KLRG1: variants seen among roughly 807,000 people sequenced by gnomAD.
KLRG1 encodes the protein killer cell lectin like receptor G1.
In KLRG1, 16 loss-of-function variants were observed where a neutral mutation model predicts 21.8. That is an observed-to-expected ratio of 0.73 (90% CI 0.50 to 1.11). KLRG1 has a LOEUF of 1.11. Ranked by LOEUF, KLRG1 falls within the 50% of genes most tolerant of loss-of-function variation. The probability of loss-of-function intolerance (pLI) is 0.00; values close to 1 mark genes in which losing one functional copy is unlikely to be tolerated. For synonymous variants in KLRG1, 69 were observed against 75.9 expected (o/e 0.91, Z 0.47); for missense variants, 173 against 218.3 (o/e 0.79, Z 1.31).
chr12:9,197,887 A>G, the KLRG1 span, among the ~76,000 whole-genome samples: 2 of 124,292 alleles, frequency 1.6e-5, no homozygotes, highest in Non-Finnish European at 3.2e-5. Context: ...AAATATTAAT[A>G]ATATATAAAT....
intron 1 of KLRG1, among the ~76,000 whole-genome samples, chr12:8,961,727 A>G (rs1004589924): frequency 1.3e-5 from 2 of 152,068 alleles, no homozygotes; most frequent in Non-Finnish European, 2.9e-5. Flanking sequence ...AGCGATTTTT[A>G]AAAGAACACA....
chr12:9,001,749 T>C (rs1947314896), intron 3 of KLRG1, among the ~76,000 whole-genome samples: 1 of 152,196 alleles, frequency 6.6e-6, no homozygotes, highest in Admixed American at 6.5e-5. Context: ...TCATGATGAT[T>C]TGGGGTCCTC....
the KLRG1 span, among the ~76,000 whole-genome samples, chr12:9,055,109 G>A: frequency 6.6e-6 from 1 of 152,042 alleles, no homozygotes; most frequent in African/African-American, 2.4e-5. Context: ...TCATACAAAT[G>A]GTCAGTGGCA....
rs1221020127 is a variant in KLRG1, at chr12:9,009,785, T to C, written c.*248T>C. The C allele has an allele frequency of 1.4e-6, 2 of 1,414,806 alleles. No homozygotes were observed. The highest frequency in any genetic ancestry group is 1.8e-6 in the Non-Finnish European group (2 of 1,090,760). The allele number at this position is 1,414,806 out of a possible 1,614,324, so 87.6% of individuals were successfully genotyped here. ...AAGCAAATTTTGAAATAGATGTTTGTTTTTTGTATTTCTCAGTATGGAAAC... is the reference window on the plus strand; with the variant it reads ...AAGCAAATTTTGAAATAGATGTTTGCTTTTTGTATTTCTCAGTATGGAAAC... On this transcript the variant is annotated 3_prime_UTR_variant, in exon 5 of 5. Transcript: ENST00000356986.
chr12:9,059,480 G>A, the KLRG1 span, among the ~76,000 whole-genome samples: 2 of 151,974 alleles, frequency 1.3e-5, no homozygotes, highest in Admixed American at 1.3e-4. Context: ...CAAACACCTA[G>A]CACCTATTTA....
At chr12:9,101,537 T>C in the KLRG1 span, 2 of 1,613,792 alleles carry the variant, frequency 1.2e-6, no homozygotes, top group African/African-American at 1.3e-5. Context: ...GGCCACAGGG[T>C]AGTTCATGAG....
the KLRG1 span, among the ~76,000 whole-genome samples, chr12:9,179,714 G>A: frequency 6.6e-6 from 1 of 152,174 alleles, no homozygotes; most frequent in African/African-American, 2.4e-5. Flanking sequence ...TATTTAGACA[G>A]GATCCAAACT....
In KLRG1 at chr12:8,995,311, T is replaced by C. The variant is rs982601115; in HGVS notation, c.357+23T>C. 1.9e-5 allele frequency: 30 copies of C among 1,587,830 alleles called. No individual in the cohort carries two copies. The Admixed American group carries it at 3.9e-4, about 21-fold the overall frequency. Reference sequence around the variant, plus strand: ...ATGGTAAATGCAAACATTTAGAAAATGTAGGGTTTTTGTTTTGTTTTTGTT... The same window carrying C: ...ATGGTAAATGCAAACATTTAGAAAACGTAGGGTTTTTGTTTTGTTTTTGTT... On this transcript the variant is annotated intron_variant, in intron 3 of 4. Coordinates refer to ENST00000356986, the MANE Select transcript of KLRG1 (RefSeq NM_005810.4).
chr12:9,129,533 A>G, the KLRG1 span, among the ~76,000 whole-genome samples: 1 of 152,108 alleles, frequency 6.6e-6, no homozygotes, highest in Non-Finnish European at 1.5e-5. Context: ...ATATAATAAT[A>G]TATATGAAGA....
chr12:9,112,633 A>G, the KLRG1 span: 3 of 1,306,760 alleles, frequency 2.3e-6, no homozygotes, highest in Non-Finnish European at 3.2e-6. Flanking sequence ...TGCCCTTCTT[A>G]CTTAACTTCA....
chr12:9,017,165 G>A, the KLRG1 span, among the ~76,000 whole-genome samples: 1 of 147,042 alleles, frequency 6.8e-6, no homozygotes, highest in East Asian at 2.1e-4. Context: ...TCGGGAAGCT[G>A]AGACAGGAGA....
At chr12:9,168,689 A>T in the KLRG1 span, 2 of 513,086 alleles carry the variant, frequency 3.9e-6, no homozygotes, top group East Asian at 6.1e-5. Context: ...TCTAAAAAAA[A>T]ATCTCTGATC....
the KLRG1 span, among the ~76,000 whole-genome samples, chr12:9,032,145 T>C: frequency 3.9e-5 from 6 of 152,248 alleles, no homozygotes; most frequent in Non-Finnish European, 7.3e-5. Context: ...AATTGATTTT[T>C]TTGAGGGTGC....
the KLRG1 span, chr12:9,157,169 T>C: frequency 6.2e-7 from 1 of 1,611,910 alleles, no homozygotes; most frequent in Admixed American, 1.7e-5. Flanking sequence ...TTATAAGTGC[T>C]CTCACCTTCT....
intron 1 of KLRG1, among the ~76,000 whole-genome samples, chr12:8,981,179 T>C (rs1210844430): frequency 2.0e-5 from 3 of 152,240 alleles, no homozygotes; most frequent in Non-Finnish European, 4.4e-5. Flanking sequence ...TGCTCAATCT[T>C]ATTAGAAGTT....
chr12:8,996,740 T>C (rs1166532254), intron 3 of KLRG1, among the ~76,000 whole-genome samples: 1 of 152,206 alleles, frequency 6.6e-6, no homozygotes, highest in Non-Finnish European at 1.5e-5. Flanking sequence ...TTGTATTAAT[T>C]AAACATGAGT....
intron 1 of KLRG1, among the ~76,000 whole-genome samples, chr12:8,962,717 C>CAAAAAAA (rs34171622): frequency 8.8e-6 from 1 of 113,068 alleles, no homozygotes. Flanking sequence ...CCCTGTTTCC[C>CAAAAAAA]AAAAAAAAAA....
At chr12:8,972,673 T>C (rs1019485137) in intron 1 of KLRG1, among the ~76,000 whole-genome samples, 95 of 152,320 alleles carry the variant, frequency 6.2e-4, no homozygotes, top group African/African-American at 2.2e-3. Context: ...GGTTTATATG[T>C]CTGTTTTCAT....
At chr12:9,207,457 T>C in the KLRG1 span, among the ~76,000 whole-genome samples, 3 of 152,202 alleles carry the variant, frequency 2.0e-5, no homozygotes, top group Non-Finnish European at 4.4e-5. Flanking sequence ...TCACAGGCTG[T>C]GTTGAAACAA....
Sources: gnomAD v4.1 joint callset for allele counts (sites outside exome capture counted in the v4.1 genomes callset) on GRCh38, gnomAD v4.1.1 for gene constraint, MANE v1.5 for transcripts, NCBI Gene and HGNC (gene_info 2026-07-23, HGNC 2026-07-21) for gene names.